The following MCTP1 variants were observed in gnomAD, a reference collection of about 807,000 sequenced individuals.
MCTP1 encodes the protein multiple C2 and transmembrane domain containing 1.
MCTP1 carries 69 observed loss-of-function variants against 120.6 expected under a neutral mutation model. That is an observed-to-expected ratio of 0.57 (90% CI 0.47 to 0.70). MCTP1 has a LOEUF of 0.70. MCTP1 is among the 30% of genes least tolerant of loss of function. The pLI is 0.00. For missense variants in MCTP1, 1,203 were observed against 1,248.8 expected (o/e 0.96, Z 0.55); for synonymous variants, 529 against 493.1 (o/e 1.07, Z -0.96).
chr5:94,819,556 A>C (rs1785208408), intron 17 of MCTP1, among the ~76,000 whole-genome samples: 1 of 152,190 alleles, frequency 6.6e-6, no homozygotes, highest in Non-Finnish European at 1.5e-5. Context: ...CATCTGTTTA[A>C]GGGTGGTTTC....
chr5:94,777,498 C>T (rs1444946958), intron 19 of MCTP1, among the ~76,000 whole-genome samples: 1 of 152,116 alleles, frequency 6.6e-6, no homozygotes, highest in Non-Finnish European at 1.5e-5. Context: ...ACATTAAGTA[C>T]TAGACTTCAC....
Position 94,912,957 on chromosome 5 carries a change from C to A in MCTP1, c.1370G>T (p.Arg457Leu), listed in dbSNP as rs760682149. 1 of 1,589,830 alleles carries A rather than the reference C, an allele frequency of 6.3e-7. No individual in the cohort carries two copies. Among genetic ancestry groups the A allele is most frequent in the Non-Finnish European group, 8.5e-7 (1 of 1,170,068 alleles). The change falls in exon 9 of 23, where the codon CGC (arginine) becomes CTC (leucine). Residue 457 changes from arginine (R) to leucine (L), a missense_variant. Transcript: ENST00000515393. Reference protein sequence around the residue: ...KNVQFQTQSLRLSDLHRKSHL... With the variant: ...KNVQFQTQSLLLSDLHRKSHL... ...CGATTTTCTGTGTAGGTCTGATAGG[C>A]GTAAACTTTGGGTCTGAAACTTTTG...
At position 95,269,565 on chromosome 5, in the gene MCTP1, C is replaced by G. The variant is rs558355780; in HGVS notation, c.720+14291G>C. Among the ~76,000 whole-genome samples the G allele has an allele frequency of 1.5e-4, 23 of 152,222 alleles. 1 individual carries two copies. The highest frequency in any genetic ancestry group is 2.8e-4 in the Non-Finnish European group (19 of 68,038). On this transcript the variant is annotated intron_variant, in intron 1 of 22. Transcript: ENST00000515393. ...TGGTGGCACCTTCCTCTAGCCTTCT[C>G]TCCAAAACAATGGAAAGACCTATCA... is the stretch of plus-strand genomic sequence containing the variant.
At chr5:94,966,601 C>T (rs1219406067) in intron 2 of MCTP1, among the ~76,000 whole-genome samples, 1 of 152,092 alleles carries the variant, frequency 6.6e-6, no homozygotes, top group Non-Finnish European at 1.5e-5. Context: ...CAAGACCATC[C>T]TGGCTAACAC....
intron 10 of MCTP1, among the ~76,000 whole-genome samples, chr5:94,897,499 G>C (rs913373843): frequency 1.3e-5 from 2 of 152,108 alleles, no homozygotes; most frequent in Non-Finnish European, 2.9e-5. Flanking sequence ...TGGGATTACA[G>C]GTGCCCACCA....
chr5:95,000,232 TAC>T (rs1193171595), intron 2 of MCTP1, among the ~76,000 whole-genome samples: 1 of 152,202 alleles, frequency 6.6e-6, no homozygotes, highest in African/African-American at 2.4e-5. Flanking sequence ...GACTAGCACA[TAC>T]AGTTATGTAC....
chr5:95,068,649 T>C (rs898735871), intron 1 of MCTP1: 13 of 371,208 alleles, frequency 3.5e-5, no homozygotes, highest in Non-Finnish European at 2.8e-5. Context: ...CCATTTCCTT[T>C]GCTGTTCCCA....
intron 17 of MCTP1, among the ~76,000 whole-genome samples, chr5:94,800,966 T>C (rs1781103180): frequency 1.3e-5 from 2 of 152,024 alleles, no homozygotes; most frequent in Admixed American, 1.3e-4. Context: ...TTTTTGAAAT[T>C]TATACAATTA....
At chr5:94,726,377 A>G (rs1438530991) in intron 19 of MCTP1, among the ~76,000 whole-genome samples, 3 of 152,234 alleles carry the variant, frequency 2.0e-5, no homozygotes, top group African/African-American at 7.2e-5. Context: ...TATTCAGTTA[A>G]AACTATCAGA....
chr5:94,955,662 G>A (rs1205482202), intron 2 of MCTP1, among the ~76,000 whole-genome samples: 3 of 152,190 alleles, frequency 2.0e-5, no homozygotes, highest in African/African-American at 7.2e-5. Flanking sequence ...AGTTCAGACA[G>A]GGCAGAGCCT....
At chr5:94,867,446 C>A in intron 17 of MCTP1, 1 of 936,440 alleles carries the variant, frequency 1.1e-6, no homozygotes, top group Non-Finnish European at 1.7e-6. Context: ...AATGGTAATA[C>A]TAAAATGTTG....
chr5:94,886,155 A>G (rs753935969), intron 12 of MCTP1, among the ~76,000 whole-genome samples: 1 of 152,208 alleles, frequency 6.6e-6, no homozygotes, highest in African/African-American at 2.4e-5. Context: ...TGGAAAGGGA[A>G]AGAATTGAGG....
chr5:95,197,723 ATATTT>A (rs2152543165), intron 1 of MCTP1, among the ~76,000 whole-genome samples: 1 of 152,216 alleles, frequency 6.6e-6, no homozygotes, highest in South Asian at 2.1e-4. Context: ...TCTCTATATT[ATATTT>A]ATGTACATAG....
At chr5:94,751,143 A>G (rs1385427481) in intron 19 of MCTP1, among the ~76,000 whole-genome samples, 1 of 152,144 alleles carries the variant, frequency 6.6e-6, no homozygotes, top group Non-Finnish European at 1.5e-5. Context: ...TCAGAAGCAT[A>G]ATATAACTTT....
rs758629735 is a variant in MCTP1, at chr5:94,871,432, T to C, written c.2037-15A>G. On this transcript the variant is annotated splice_polypyrimidine_tract_variant and intron_variant, in intron 13 of 22. Coordinates refer to ENST00000515393, the MANE Select transcript of MCTP1 (RefSeq NM_024717.7). ...CTTTAATGTTGCTGCATAATAAATA[T>C]ATGTAAGAAAAAAAGATTTCATCAG... 8 of 1,542,184 alleles carry C rather than the reference T, an allele frequency of 5.2e-6. No homozygotes were observed. In the East Asian group the frequency reaches 1.4e-4, roughly 26 times the overall value.
chr5:94,829,014 CA>C (rs138764875), intron 17 of MCTP1, among the ~76,000 whole-genome samples: 97,695 of 151,130 alleles, frequency 0.65, 32,474 homozygotes, highest in Non-Finnish European at 0.75. Context: ...ACAACAACAA[CA>C]AAAAAAAAAC....
intron 2 of MCTP1, among the ~76,000 whole-genome samples, chr5:94,995,362 A>G (rs922530266): frequency 6.6e-6 from 1 of 152,214 alleles, no homozygotes; most frequent in Non-Finnish European, 1.5e-5. Flanking sequence ...TCACTTCTCT[A>G]TATCTACAAC....
chr5:94,988,266 G>A (rs1444762034), intron 2 of MCTP1, among the ~76,000 whole-genome samples: 3 of 151,980 alleles, frequency 2.0e-5, no homozygotes, highest in African/African-American at 7.2e-5. Context: ...TCTTTAGGAA[G>A]AGAGATGTCT....
chr5:95,151,712 T>C (rs775423824), intron 1 of MCTP1, among the ~76,000 whole-genome samples: 18 of 152,228 alleles, frequency 1.2e-4, no homozygotes, highest in Non-Finnish European at 2.6e-4. Context: ...ACTTTGCTAT[T>C]AAGATTAGGA....
Sources: gnomAD v4.1 joint callset for allele counts (sites outside exome capture counted in the v4.1 genomes callset) on GRCh38, gnomAD v4.1.1 for gene constraint, MANE v1.5 for transcripts, NCBI Gene and HGNC (gene_info 2026-07-23, HGNC 2026-07-21) for gene names.